The following OCA2 variants were observed in gnomAD, a reference collection of about 807,000 sequenced individuals.
The protein encoded by OCA2 is OCA2 melanosomal transmembrane protein.
Under a neutral mutation model 100.2 loss-of-function variants are expected in OCA2, and 77 were observed. The observed-to-expected ratio is 0.77, with a 90% CI of 0.64 to 0.93. The LOEUF is 0.93. OCA2 is among the 40% of genes least tolerant of loss of function. The pLI, the probability that OCA2 is intolerant of heterozygous loss-of-function variation, is 0.00. For missense variants in OCA2, 1,062 were observed against 1,089.1 expected (o/e 0.98, Z 0.35); for synonymous variants, 432 against 439.2 (o/e 0.98, Z 0.21).
At chr15:27,828,078 G>A (rs374764108) in intron 23 of OCA2, among the ~76,000 whole-genome samples, 1 of 152,112 alleles carries the variant, frequency 6.6e-6, no homozygotes, top group African/African-American at 2.4e-5. Context: ...ATTAACTTGA[G>A]TACAGGTGAA....
chr15:27,850,211 C>T (rs1567021735), intron 22 of OCA2, among the ~76,000 whole-genome samples: 1 of 152,192 alleles, frequency 6.6e-6, no homozygotes, highest in African/African-American at 2.4e-5. Flanking sequence ...GCAGAACCTC[C>T]TCCGATGTCT....
intron 2 of OCA2, among the ~76,000 whole-genome samples, chr15:28,054,890 G>A (rs2043640769): frequency 6.6e-6 from 1 of 152,168 alleles, no homozygotes; most frequent in Non-Finnish European, 1.5e-5. Context: ...CGTGGTGGGA[G>A]GAGAGAGAAG....
chr15:27,795,905 GTAAATTTATA>G (rs2151149730), intron 23 of OCA2, among the ~76,000 whole-genome samples: 1 of 152,330 alleles, frequency 6.6e-6, no homozygotes, highest in South Asian at 2.1e-4. Flanking sequence ...TGTTTCACTT[GTAAATTTATA>G]ACTTAGCAGA....
chr15:28,075,804 T>C (rs2044410216), intron 2 of OCA2, among the ~76,000 whole-genome samples: 1 of 152,134 alleles, frequency 6.6e-6, no homozygotes, highest in Admixed American at 6.5e-5. Context: ...AACTCAATGG[T>C]TCCATTTATT....
chr15:27,907,712 A>G (rs1409755590), intron 19 of OCA2, among the ~76,000 whole-genome samples: 1 of 152,228 alleles, frequency 6.6e-6, no homozygotes, highest in East Asian at 1.9e-4. Context: ...TAAATCATAA[A>G]TGACTAATTT....
In OCA2 at chr15:27,871,392, G is replaced by A. The variant is rs77074895; in HGVS notation, c.2140-134C>T. 4,236 of 723,238 alleles carry A rather than the reference G, an allele frequency of 5.9e-3. 79 individuals carry two copies. Among genetic ancestry groups the A allele is most frequent in the African/African-American group, 0.05 (2,902 of 57,706 alleles). 44.8% of individuals were successfully genotyped at this position (723,238 alleles called of 1,614,324 possible). A position where few individuals can be genotyped will look rare whatever the true frequency, so the allele number is the denominator to read the frequency against. ...CCATCACGAGACCAAGGCAGACATAGGTGTGCAAGCCAGGGCCACACCCAC... is the reference window on the plus strand; with the variant it reads ...CCATCACGAGACCAAGGCAGACATAAGTGTGCAAGCCAGGGCCACACCCAC... On this transcript the variant is annotated intron_variant, in intron 20 of 23. Coordinates refer to ENST00000354638, the MANE Select transcript of OCA2 (RefSeq NM_000275.3).
intron 18 of OCA2, among the ~76,000 whole-genome samples, chr15:27,932,073 C>T (rs145077821): frequency 3.9e-5 from 6 of 152,254 alleles, no homozygotes; most frequent in Admixed American, 1.3e-4. Context: ...ATGTAAATAA[C>T]GTTATACTTA....
chr15:27,761,151 A>G (rs2030799362), intron 23 of OCA2, among the ~76,000 whole-genome samples: 1 of 152,056 alleles, frequency 6.6e-6, no homozygotes, highest in Non-Finnish European at 1.5e-5. Context: ...TCTGCAGATG[A>G]CATGATAGCT....
intron 19 of OCA2, among the ~76,000 whole-genome samples, chr15:27,924,236 C>G (rs2038966861): frequency 6.6e-6 from 1 of 151,944 alleles, no homozygotes; most frequent in Non-Finnish European, 1.5e-5. Flanking sequence ...CTAACTTTGA[C>G]TTAATTTTTT....
intron 9 of OCA2, among the ~76,000 whole-genome samples, chr15:28,001,892 C>T (rs1335530153): frequency 1.3e-5 from 2 of 152,210 alleles, no homozygotes; most frequent in Non-Finnish European, 2.9e-5. Flanking sequence ...TCTGCAGCAT[C>T]GGCTCTGCCA....
intron 2 of OCA2, among the ~76,000 whole-genome samples, chr15:28,042,080 A>G (rs2043218181): frequency 6.6e-6 from 1 of 152,204 alleles, no homozygotes; most frequent in Non-Finnish European, 1.5e-5. Context: ...TTCATAACCT[A>G]TCCATATGTT....
intron 19 of OCA2, among the ~76,000 whole-genome samples, chr15:27,911,733 A>G (rs948159723): frequency 6.6e-6 from 1 of 152,160 alleles, no homozygotes; most frequent in African/African-American, 2.4e-5. Flanking sequence ...AACACCTTCC[A>G]TGAGGCCCCA....
chr15:27,815,265 G>A (rs749570272), intron 23 of OCA2, among the ~76,000 whole-genome samples: 13 of 152,296 alleles, frequency 8.5e-5, no homozygotes, highest in East Asian at 5.8e-4. Flanking sequence ...CCCGCTGTTC[G>A]TGTTGCACAG....
chr15:27,727,953 C>A, the OCA2 span, among the ~76,000 whole-genome samples: 4 of 152,198 alleles, frequency 2.6e-5, no homozygotes, highest in African/African-American at 9.6e-5. Flanking sequence ...AGGACATGGA[C>A]ATCTTTGGGG....
intron 1 of OCA2, 22 bp from the exon 2 acceptor site, chr15:28,081,917 C>T (rs1389007202): frequency 1.9e-6 from 3 of 1,568,610 alleles, no homozygotes; most frequent in African/African-American, 2.7e-5. Flanking sequence ...AGAAAGAAAC[C>T]ACTCTTCATG....
Position 27,770,241 on chromosome 15 carries a change from G to T in OCA2, c.2433-14769C>A, listed in dbSNP as rs79318689. On this transcript the variant is annotated intron_variant, in intron 23 of 23. Coordinates refer to ENST00000354638, the MANE Select transcript of OCA2 (RefSeq NM_000275.3). ...GGAGGGAAGGGGCGTTCAGGGCGGGGGCTCCGCGGGGTCCGCAGGCCTCCT... is the reference window on the plus strand; with the variant it reads ...GGAGGGAAGGGGCGTTCAGGGCGGGTGCTCCGCGGGGTCCGCAGGCCTCCT... 9.8e-5 allele frequency among the ~76,000 whole-genome samples: 15 copies of T among 152,334 alleles called. No individual in the cohort carries two copies. The South Asian group carries it at 3.1e-3, about 32-fold the overall frequency.
intron 23 of OCA2, among the ~76,000 whole-genome samples, chr15:27,758,371 G>A (rs1192505321): frequency 6.6e-6 from 1 of 152,206 alleles, no homozygotes; most frequent in African/African-American, 2.4e-5. Flanking sequence ...CCTTGGTGAA[G>A]GCCAAGTGGG....
intron 14 of OCA2, among the ~76,000 whole-genome samples, chr15:27,975,208 G>A (rs898497324): frequency 3.3e-5 from 5 of 152,092 alleles, no homozygotes; most frequent in Non-Finnish European, 7.4e-5. Context: ...CCATGCCTAG[G>A]ATTTTACATT....
chr15:27,801,020 C>G (rs2033580418), intron 23 of OCA2, among the ~76,000 whole-genome samples: 1 of 152,004 alleles, frequency 6.6e-6, no homozygotes, highest in Non-Finnish European at 1.5e-5. Flanking sequence ...AAGGAAAACC[C>G]CAGACCTCAG....
Sources: gnomAD v4.1 joint callset for allele counts (sites outside exome capture counted in the v4.1 genomes callset) on GRCh38, gnomAD v4.1.1 for gene constraint, MANE v1.5 for transcripts, NCBI Gene and HGNC (gene_info 2026-07-23, HGNC 2026-07-21) for gene names.